TENM1: variants seen among roughly 807,000 people sequenced by gnomAD.
The protein encoded by TENM1 is teneurin transmembrane protein 1.
In TENM1, 35 loss-of-function variants were observed where a neutral mutation model predicts 174.8. The observed-to-expected ratio is 0.20, with a 90% CI of 0.15 to 0.27. TENM1 has a LOEUF of 0.27. TENM1 is among the 10% of genes least tolerant of loss of function. The pLI, the probability that TENM1 is intolerant of heterozygous loss-of-function variation, is 1.00. For synonymous variants in TENM1, 781 were observed against 798.7 expected (o/e 0.98, Z 0.37); for missense variants, 1,633 against 2,130.1 (o/e 0.77, Z 4.59).
chrX:124,754,069 G>C (rs1274809331), intron 3 of TENM1, among the ~76,000 whole-genome samples: 1 of 111,520 alleles, frequency 9.0e-6, no homozygotes, highest in Non-Finnish European at 1.9e-5. Context: ...AATGGTACCA[G>C]TTCCTCCTTG....
At chrX:124,810,686 G>GA (rs768004527) in intron 3 of TENM1, among the ~76,000 whole-genome samples, 10 of 110,722 alleles carry the variant, frequency 9.0e-5, no homozygotes, top group Non-Finnish European at 1.9e-4. Flanking sequence ...TACAGAAATA[G>GA]AAAAAAAATT....
chrX:124,416,616 A>C (rs1453659138), intron 25 of TENM1, among the ~76,000 whole-genome samples: 1 of 111,988 alleles, frequency 8.9e-6, no homozygotes, highest in Non-Finnish European at 1.9e-5. Context: ...CATGTGTCAC[A>C]GCGCCTGCTC....
chrX:124,489,854 C>T (rs1476438756), intron 20 of TENM1, among the ~76,000 whole-genome samples: 1 of 111,332 alleles, frequency 9.0e-6, no homozygotes, highest in Non-Finnish European at 1.9e-5. Flanking sequence ...GAATGGTCTG[C>T]CCTTCCTGCT....
intron 1 of TENM1, among the ~76,000 whole-genome samples, chrX:124,913,384 TA>T (rs1352824606): frequency 9.0e-6 from 1 of 111,564 alleles, no homozygotes; most frequent in Non-Finnish European, 1.9e-5. Context: ...GGTAATTTAG[TA>T]AAAGCACCCC....
chrX:125,103,970 G>A, the TENM1 span, among the ~76,000 whole-genome samples: 4 of 111,407 alleles, frequency 3.6e-5, no homozygotes, highest in Non-Finnish European at 7.5e-5. Flanking sequence ...TTCAGCCTGG[G>A]CGACAGCGAA....
At chrX:124,854,312 G>T (rs185265121) in intron 3 of TENM1, among the ~76,000 whole-genome samples, 1 of 111,135 alleles carries the variant, frequency 9.0e-6, no homozygotes. Flanking sequence ...TATGAGGATT[G>T]AAAGGCATAA....
At chrX:125,094,541 T>C in the TENM1 span, among the ~76,000 whole-genome samples, 1 of 112,065 alleles carries the variant, frequency 8.9e-6, no homozygotes, top group Non-Finnish European at 1.9e-5. Flanking sequence ...CATTATTTTG[T>C]TTTTATTTGT....
chrX:125,128,349 C>G, the TENM1 span, among the ~76,000 whole-genome samples: 2 of 111,656 alleles, frequency 1.8e-5, no homozygotes, highest in Admixed American at 9.5e-5. Context: ...CAAATACCTT[C>G]TCTTCATTGG....
chrX:124,798,700 C>T (rs1254998634), intron 3 of TENM1, among the ~76,000 whole-genome samples: 2 of 111,464 alleles, frequency 1.8e-5, no homozygotes, highest in Non-Finnish European at 3.8e-5. Flanking sequence ...TAATTAGATC[C>T]CATTTGTCAA....
chrX:124,768,023 G>A (rs1180570044), intron 3 of TENM1, among the ~76,000 whole-genome samples: 1 of 111,254 alleles, frequency 9.0e-6, no homozygotes, highest in Non-Finnish European at 1.9e-5. Context: ...CTCCTCTGAG[G>A]GATTTTAAAA....
chrX:124,536,952 T>A (rs772603573), intron 15 of TENM1, among the ~76,000 whole-genome samples: 93 of 111,510 alleles, frequency 8.3e-4, no homozygotes, highest in Non-Finnish European at 1.6e-3. Flanking sequence ...TAATGGATAG[T>A]CATTAAATAT....
At chrX:125,131,185 T>C in the TENM1 span, among the ~76,000 whole-genome samples, 1 of 112,462 alleles carries the variant, frequency 8.9e-6, no homozygotes, top group Non-Finnish European at 1.9e-5. Context: ...CCTAAGCTAC[T>C]GTGGTTAACA....
In TENM1 at chrX:124,828,181, T is replaced by C. The variant is rs150717580; in HGVS notation, c.535+66115A>G. Among the ~76,000 whole-genome samples, 268 of 112,390 alleles carry C rather than the reference T, an allele frequency of 2.4e-3. 1 individual carries two copies. Among genetic ancestry groups the C allele is most frequent in the African/African-American group, 8.1e-3 (252 of 31,029 alleles). On this transcript the variant is annotated intron_variant, in intron 3 of 31. Transcript: ENST00000422452. ...TTACAGTTTTTCAACAATGTTTTCA[T>C]TTCTAACAGTAAATGATCTTAATCT... is the stretch of plus-strand genomic sequence containing the variant.
intron 6 of TENM1, among the ~76,000 whole-genome samples, chrX:124,666,071 G>C (rs895859231): frequency 2.7e-5 from 3 of 111,247 alleles, no homozygotes; most frequent in Non-Finnish European, 5.6e-5. Flanking sequence ...ATATCAATCA[G>C]CTGTATTTTG....
At chrX:124,453,255 T>C in intron 23 of TENM1, 82 bp downstream of exon 26, 1 of 961,326 alleles carries the variant, frequency 1.0e-6, no homozygotes, top group Admixed American at 2.8e-5. Context: ...GCTTCCATTC[T>C]ACCTCATTTC....
intron 1 of TENM1, among the ~76,000 whole-genome samples, chrX:124,917,411 C>T (rs930038896): frequency 7.0e-4 from 78 of 111,631 alleles, no homozygotes; most frequent in African/African-American, 2.2e-3. Context: ...AAGTGGTGGC[C>T]TAGAGATGAA....
intron 1 of TENM1, among the ~76,000 whole-genome samples, chrX:124,912,007 A>G (rs1453470114): frequency 1.8e-5 from 2 of 112,154 alleles, no homozygotes; most frequent in Non-Finnish European, 3.8e-5. Flanking sequence ...AAAGCAATGA[A>G]CAAAACAGGC....
At chrX:124,713,538 G>GC (rs1411063597) in intron 4 of TENM1, among the ~76,000 whole-genome samples, 21 of 112,340 alleles carry the variant, frequency 1.9e-4, no homozygotes, top group Non-Finnish European at 3.4e-4. Context: ...AAAGTGCTGG[G>GC]ATTACAGGCG....
chrX:124,582,031 A>T (rs139298390), intron 11 of TENM1, among the ~76,000 whole-genome samples: 1,251 of 110,639 alleles, frequency 0.011, 21 homozygotes, highest in African/African-American at 0.038. Context: ...TTTCCTGATG[A>T]TCTCCCTTCC....
Sources: gnomAD v4.1 joint callset for allele counts (sites outside exome capture counted in the v4.1 genomes callset) on GRCh38, gnomAD v4.1.1 for gene constraint, MANE v1.5 for transcripts, NCBI Gene and HGNC (gene_info 2026-07-23, HGNC 2026-07-21) for gene names.